Variants in POU2F1 observed in about 807,000 individuals in gnomAD.
The protein encoded by POU2F1 is POU domain, class 2, transcription factor 1.
A neutral mutation model predicts 84.9 loss-of-function variants in POU2F1; 16 were observed. The ratio of observed to expected loss-of-function variants is 0.19; its 90% CI spans 0.13 to 0.29. POU2F1 has a LOEUF of 0.29. Ranked by LOEUF, POU2F1 falls within the 10% of genes least tolerant of loss-of-function variation. POU2F1 has a pLI of 1.00. For synonymous variants in POU2F1, 368 were observed against 368.3 expected, an observed-to-expected ratio of 1.00 and a Z score of 0.01; for missense variants, 738 against 942.6, an observed-to-expected ratio of 0.78 and a Z score of 2.84.
intron 1 of POU2F1, among the ~76,000 whole-genome samples, chr1:167,226,745 T>A (rs1407769354): frequency 6.6e-6 from 1 of 152,178 alleles, no homozygotes; most frequent in Non-Finnish European, 1.5e-5. Context: ...GGGTGTGAAT[T>A]TTTTGAGCAT....
At chr1:167,405,704 G>A (rs948371238) in intron 13 of POU2F1, among the ~76,000 whole-genome samples, 3 of 152,044 alleles carry the variant, frequency 2.0e-5, no homozygotes, top group Non-Finnish European at 4.4e-5. Context: ...ATAAAAAAAA[G>A]CCGTGAAGGA....
chr1:167,396,021 T>C (rs1648783954), intron 9 of POU2F1, among the ~76,000 whole-genome samples: 1 of 152,218 alleles, frequency 6.6e-6, no homozygotes, highest in African/African-American at 2.4e-5. Context: ...ATCTCCATGA[T>C]TACATAAGGT....
chr1:167,373,595 T>C (rs1329690506), intron 5 of POU2F1, among the ~76,000 whole-genome samples: 1 of 152,142 alleles, frequency 6.6e-6, no homozygotes, highest in Non-Finnish European at 1.5e-5. Context: ...GAGGGGCCTG[T>C]AGGGAGACTT....
chr1:167,223,186 G>A (rs1023900946), intron 1 of POU2F1, among the ~76,000 whole-genome samples: 4 of 152,164 alleles, frequency 2.6e-5, no homozygotes, highest in Non-Finnish European at 4.4e-5. Context: ...TTTGTGTCAT[G>A]ATTAAATGAG....
intron 1 of POU2F1, among the ~76,000 whole-genome samples, chr1:167,299,551 C>G (rs1196329558): frequency 6.6e-6 from 1 of 152,098 alleles, no homozygotes; most frequent in Non-Finnish European, 1.5e-5. Flanking sequence ...ACCCTCCTGT[C>G]CTTGAGTGAT....
intron 1 of POU2F1, among the ~76,000 whole-genome samples, chr1:167,301,316 T>C (rs1654686420): frequency 5.3e-5 from 8 of 152,368 alleles, no homozygotes; most frequent in Admixed American, 4.6e-4. Context: ...CACAGACACG[T>C]TAGTTACTGC....
chr1:167,287,700 A>G (rs1412935964), intron 1 of POU2F1, among the ~76,000 whole-genome samples: 1 of 152,224 alleles, frequency 6.6e-6, no homozygotes, highest in Non-Finnish European at 1.5e-5. Context: ...TTGGAGTTAC[A>G]CAGAAAGAAT....
chr1:167,320,659 T>C (rs1241555890), intron 1 of POU2F1, among the ~76,000 whole-genome samples: 2 of 152,208 alleles, frequency 1.3e-5, no homozygotes, highest in African/African-American at 4.8e-5. Context: ...TGAATTAGTT[T>C]GTGGAAGAAA....
chr1:167,274,777 G>A (rs562390414), intron 1 of POU2F1, among the ~76,000 whole-genome samples: 56 of 152,252 alleles, frequency 3.7e-4, no homozygotes, highest in South Asian at 1.2e-3. Context: ...ATGAATTATA[G>A]TAAAGTTACG....
At chr1:167,359,144 T>G (rs1659179410) in intron 2 of POU2F1, among the ~76,000 whole-genome samples, 1 of 152,064 alleles carries the variant, frequency 6.6e-6, no homozygotes, top group Non-Finnish European at 1.5e-5. Context: ...CACTCCATCC[T>G]TGTAGCTTTC....
chr1:167,324,498 GT>G (rs1419249657), intron 1 of POU2F1, among the ~76,000 whole-genome samples: 1 of 152,062 alleles, frequency 6.6e-6, no homozygotes, highest in African/African-American at 2.4e-5. Context: ...TATGCTTTGG[GT>G]TAAAATACAA....
At chr1:167,264,550 T>G (rs1339730675) in intron 1 of POU2F1, among the ~76,000 whole-genome samples, 1 of 152,196 alleles carries the variant, frequency 6.6e-6, no homozygotes, top group African/African-American at 2.4e-5. Context: ...GAAGGGCTTT[T>G]GAAGAGTGAC....
chr1:167,227,324 CAAT>C (rs1648711445), intron 1 of POU2F1, among the ~76,000 whole-genome samples: 1 of 151,998 alleles, frequency 6.6e-6, no homozygotes, highest in South Asian at 2.1e-4. Flanking sequence ...GAAATTAAAT[CAAT>C]AATAATAATT....
At chr1:167,330,743 A>G (rs1054401783) in intron 1 of POU2F1, among the ~76,000 whole-genome samples, 1 of 152,118 alleles carries the variant, frequency 6.6e-6, no homozygotes, top group Non-Finnish European at 1.5e-5. Flanking sequence ...CATAGTCTTT[A>G]TAGATGGGAA....
At chr1:167,300,371 C>T (rs1654601789) in intron 1 of POU2F1, among the ~76,000 whole-genome samples, 1 of 152,146 alleles carries the variant, frequency 6.6e-6, no homozygotes, top group Non-Finnish European at 1.5e-5. Context: ...CAGTATCATG[C>T]AATATATCCA....
intron 9 of POU2F1, among the ~76,000 whole-genome samples, chr1:167,392,697 T>C (rs1443342183): frequency 1.3e-5 from 2 of 152,226 alleles, no homozygotes; most frequent in East Asian, 3.8e-4. Flanking sequence ...TTTTATCCTA[T>C]TTTTTGGCAT....
intron 14 of POU2F1, 26 bp downstream of exon 14, chr1:167,412,330 C>A: frequency 6.7e-7 from 1 of 1,497,054 alleles, no homozygotes. Flanking sequence ...ATCTCATTCA[C>A]GTCTGAGGTG....
chr1:167,299,778 A>G (rs1040011837), intron 1 of POU2F1, among the ~76,000 whole-genome samples: 1 of 148,530 alleles, frequency 6.7e-6, no homozygotes, highest in African/African-American at 2.6e-5. Context: ...TCTATTTCAT[A>G]TTTGCCTCCT....
chr1:167,390,174 TCTAAGATAC>T lies in POU2F1; in HGVS notation c.987+414_987+422del, dbSNP rs572542340. ...TTTGCTTTACATGTCCAAAGAGGCT[TCTAAGATAC>T]AATATGTTCCTCAGCCATGTTGTTT... On this transcript the variant is annotated intron_variant, in intron 9 of 15. Coordinates refer to ENST00000367866, the MANE Select transcript of POU2F1 (RefSeq NM_002697.4). Among the ~76,000 whole-genome samples, 25 of 152,358 alleles carry T rather than the reference TCTAAGATAC, an allele frequency of 1.6e-4. No individual in the cohort carries two copies. The East Asian group carries it at 4.8e-3, about 29-fold the overall frequency.
Sources: gnomAD v4.1 joint callset for allele counts (sites outside exome capture counted in the v4.1 genomes callset) on GRCh38, gnomAD v4.1.1 for gene constraint, MANE v1.5 for transcripts, NCBI Gene and HGNC (gene_info 2026-07-23, HGNC 2026-07-21) for gene names.